The following GATB variants were observed in gnomAD, a reference collection of about 807,000 sequenced individuals.
GATB encodes the protein glutamyl-tRNA(Gln) amidotransferase subunit B, mitochondrial.
GATB carries 39 observed loss-of-function variants against 62.3 expected under a neutral mutation model. The observed-to-expected ratio is 0.63, with a 90% CI of 0.48 to 0.82. The LOEUF (loss-of-function observed/expected upper bound fraction) is 0.82, where lower values mean the gene tolerates loss of function less well. GATB is among the 40% of genes least tolerant of loss of function. GATB has a pLI of 0.00. For synonymous variants in GATB, 276 were observed against 258.9 expected, an observed-to-expected ratio of 1.07 and a Z score of -0.63; for missense variants, 670 against 684.0, an observed-to-expected ratio of 0.98 and a Z score of 0.23.
intron 2 of GATB, among the ~76,000 whole-genome samples, chr4:151,743,208 G>A (rs1739530036): frequency 6.6e-6 from 1 of 152,210 alleles, no homozygotes; most frequent in African/African-American, 2.4e-5. Flanking sequence ...ACAGCTAAGA[G>A]CTGCCCATAG....
At chr4:151,754,098 TC>T (rs34638569) in intron 2 of GATB, among the ~76,000 whole-genome samples, 3 of 152,282 alleles carry the variant, frequency 2.0e-5, no homozygotes, top group Admixed American at 6.5e-5. Flanking sequence ...AACACTCACT[TC>T]CTTGGAGTTT....
At chr4:151,712,832 G>A (rs1018750097) in intron 5 of GATB, among the ~76,000 whole-genome samples, 4 of 152,130 alleles carry the variant, frequency 2.6e-5, no homozygotes, top group African/African-American at 9.7e-5. Context: ...TACATTTCTT[G>A]ACATTAGTAC....
intron 10 of GATB, among the ~76,000 whole-genome samples, chr4:151,682,396 G>A (rs993573494): frequency 6.6e-6 from 1 of 152,142 alleles, no homozygotes; most frequent in Non-Finnish European, 1.5e-5. Flanking sequence ...TAAACCCTCA[G>A]ACTCGACACG....
intron 5 of GATB, among the ~76,000 whole-genome samples, chr4:151,709,961 A>G (rs1379532474): frequency 6.6e-6 from 1 of 152,088 alleles, no homozygotes; most frequent in African/African-American, 2.4e-5. Context: ...CCTTCTGTAT[A>G]CACAACCCTG....
chr4:151,737,114 GT>G (rs1739392071), intron 2 of GATB, among the ~76,000 whole-genome samples: 1 of 152,252 alleles, frequency 6.6e-6, no homozygotes, highest in Non-Finnish European at 1.5e-5. Context: ...GGCTGGAACA[GT>G]TTGGAGGGCT....
At chr4:151,687,377 A>G (rs921447702) in intron 10 of GATB, among the ~76,000 whole-genome samples, 5 of 152,172 alleles carry the variant, frequency 3.3e-5, no homozygotes, top group Non-Finnish European at 7.3e-5. Flanking sequence ...CTCCTCCTAC[A>G]TTGAAAAAGT....
chr4:151,673,006 T>TTAAG (rs1293679253), intron 11 of GATB, 110 bp from the exon 12 acceptor site: 3 of 1,357,626 alleles, frequency 2.2e-6, no homozygotes, highest in African/African-American at 2.9e-5. Context: ...GCAGATTCAA[T>TTAAG]TAAGTCCCCA....
At chr4:151,675,028 GC>G (rs1228840594) in intron 11 of GATB, 1 of 152,220 alleles carries the variant, frequency 6.6e-6, no homozygotes, top group Admixed American at 6.5e-5. Flanking sequence ...TGGCCAGTGA[GC>G]CAGCCTCTTT....
At chr4:151,678,436 C>G (rs368127231) in intron 11 of GATB, among the ~76,000 whole-genome samples, 2 of 95,286 alleles carry the variant, frequency 2.1e-5, no homozygotes, top group Admixed American at 8.7e-5. Flanking sequence ...TCAATGTGTT[C>G]TTCTCTCTCT....
intron 9 of GATB, among the ~76,000 whole-genome samples, chr4:151,700,367 A>G (rs1401498766): frequency 6.6e-6 from 1 of 152,110 alleles, no homozygotes; most frequent in Non-Finnish European, 1.5e-5. Flanking sequence ...GCAGTGACCA[A>G]CTCTGCTTCT....
intron 9 of GATB, 22 bp from the exon 10 acceptor site, chr4:151,688,785 A>AT: frequency 6.4e-7 from 1 of 1,568,672 alleles, no homozygotes; most frequent in Non-Finnish European, 8.6e-7. Flanking sequence ...AAAAAAAGAA[A>AT]ATTACATAAA....
intron 3 of GATB, 128 bp from the exon 4 acceptor site, chr4:151,717,202 G>T: frequency 1.2e-6 from 1 of 857,882 alleles, no homozygotes; most frequent in Non-Finnish European, 1.8e-6. Context: ...AGAAAAAAAG[G>T]AAAAGGAGAA....
At chr4:151,686,323 G>A (rs1415653306) in intron 10 of GATB, among the ~76,000 whole-genome samples, 5 of 152,124 alleles carry the variant, frequency 3.3e-5, no homozygotes, top group South Asian at 2.1e-4. Flanking sequence ...ACTAACACCC[G>A]GGCCACACTA....
chr4:151,743,858 A>C (rs1033075671), intron 2 of GATB, among the ~76,000 whole-genome samples: 5 of 152,244 alleles, frequency 3.3e-5, no homozygotes, highest in African/African-American at 1.2e-4. Context: ...AAAAGTGATA[A>C]TCTGACTTTG....
Position 151,730,999 on chromosome 4 carries a change from G to A in GATB, c.328-11461C>T, listed in dbSNP as rs546909748. Among the ~76,000 whole-genome samples the A allele has an allele frequency of 3.3e-5, 5 of 152,202 alleles. No homozygotes were observed. Among genetic ancestry groups the A allele is most frequent in the Admixed American group, 1.3e-4 (2 of 15,284 alleles). On this transcript the variant is annotated intron_variant, in intron 2 of 12. Transcript: ENST00000263985. The surrounding 1 kb of genome is among the most constrained non-coding windows in gnomAD (Gnocchi z 4.1). ...AATCAGGGAGGGACCAGAGAAAGGC[G>A]AAGCCCAATGCAAGGAAATCCAAAA...
At chr4:151,720,331 G>A (rs1739003766) in intron 2 of GATB, 1 of 152,152 alleles carries the variant, frequency 6.6e-6, no homozygotes, top group Admixed American at 6.5e-5. Flanking sequence ...TCTCGAGTCA[G>A]GTTCAAATCC....
intron 3 of GATB, among the ~76,000 whole-genome samples, chr4:151,717,860 T>C (rs1201088835): frequency 1.3e-5 from 2 of 152,208 alleles, no homozygotes; most frequent in East Asian, 3.8e-4. Flanking sequence ...TCCCAGGTGC[T>C]GCTCTCACTG....
chr4:151,677,111 C>T (rs1438851397), intron 11 of GATB, among the ~76,000 whole-genome samples: 1 of 152,180 alleles, frequency 6.6e-6, no homozygotes. Context: ...ATTGGAGCCT[C>T]TTCCAGTTCT....
chr4:151,697,965 A>ATATATATATATATGTATG (rs1560847739), intron 9 of GATB, among the ~76,000 whole-genome samples: 1 of 109,050 alleles, frequency 9.2e-6, no homozygotes, highest in African/African-American at 5.0e-5. Flanking sequence ...ATATATATAT[A>ATATATATATATATGTATG]TATATATATA....
Sources: gnomAD v4.1 joint callset for allele counts (sites outside exome capture counted in the v4.1 genomes callset) on GRCh38, gnomAD v4.1.1 for gene constraint, Gnocchi (gnomAD v3.1) non-coding constraint, MANE v1.5 for transcripts, NCBI Gene and HGNC (gene_info 2026-07-23, HGNC 2026-07-21) for gene names.